The following SLC4A4 variants were observed in gnomAD, a reference collection of about 807,000 sequenced individuals.
SLC4A4 encodes the protein solute carrier family 4 member 4, also known as electrogenic sodium bicarbonate cotransporter 1.
A neutral mutation model predicts 111.5 loss-of-function variants in SLC4A4; 27 were observed. The ratio of observed to expected loss-of-function variants is 0.24; its 90% CI spans 0.18 to 0.33. The LOEUF is 0.33. Among genes scored for constraint, SLC4A4 ranks in the 10% least tolerant of loss-of-function variants. The pLI is 1.00. For missense variants in SLC4A4, 909 were observed against 1,315.5 expected (o/e 0.69, Z 4.78); for synonymous variants, 443 against 463.4 (o/e 0.96, Z 0.57).
At chr4:71,538,424 G>A (rs1259170118) in intron 18 of SLC4A4, among the ~76,000 whole-genome samples, 1 of 152,110 alleles carries the variant, frequency 6.6e-6, no homozygotes, top group Non-Finnish European at 1.5e-5. Flanking sequence ...TGAATAATGA[G>A]AGTTATGGAA....
chr4:71,505,162 G>C (rs1208644837), intron 16 of SLC4A4, among the ~76,000 whole-genome samples: 1 of 152,074 alleles, frequency 6.6e-6, no homozygotes, highest in African/African-American at 2.4e-5. Flanking sequence ...CCATGCCTTT[G>C]ATATTGTGAA....
chr4:71,316,978 A>G (rs1217872815), intron 3 of SLC4A4, among the ~76,000 whole-genome samples: 1 of 151,824 alleles, frequency 6.6e-6, no homozygotes, highest in African/African-American at 2.4e-5. Flanking sequence ...AGCCTCAGCC[A>G]CTCAAGTAAC....
chr4:71,438,288 T>C (rs1724355729), intron 7 of SLC4A4, among the ~76,000 whole-genome samples: 2 of 152,176 alleles, frequency 1.3e-5, no homozygotes, highest in South Asian at 2.1e-4. Flanking sequence ...CTAAGTACGA[T>C]AGATGCAAAG....
chr4:71,119,132 T>G (rs371857743), intron 2 of SLC4A4, among the ~76,000 whole-genome samples: 2 of 152,230 alleles, frequency 1.3e-5, no homozygotes, highest in Non-Finnish European at 2.9e-5. Context: ...GGGTTGCTGA[T>G]AGTGGAAAGG....
chr4:71,378,087 C>G (rs893217383), intron 6 of SLC4A4, among the ~76,000 whole-genome samples: 1 of 152,092 alleles, frequency 6.6e-6, no homozygotes, highest in Non-Finnish European at 1.5e-5. Context: ...ATTCAATTAC[C>G]TCCCCCTGGG....
intron 2 of SLC4A4, among the ~76,000 whole-genome samples, chr4:71,112,210 A>G (rs1743107438): frequency 1.3e-5 from 2 of 152,240 alleles, no homozygotes; most frequent in South Asian, 4.1e-4. Context: ...ACAAACAATT[A>G]TGTTGGAACA....
chr4:71,492,394 A>G (rs563881819), intron 15 of SLC4A4, among the ~76,000 whole-genome samples: 1 of 152,106 alleles, frequency 6.6e-6, no homozygotes, highest in African/African-American at 2.4e-5. Context: ...AGATCCACTC[A>G]GTATAACAGG....
At position 71,092,793 on chromosome 4, in the gene SLC4A4, G is replaced by A. The variant is rs1244815378; in HGVS notation, c.-2+1G>A. Among the ~76,000 whole-genome samples the A allele has an allele frequency of 1.3e-5, 2 of 152,142 alleles. No homozygotes were observed. Among genetic ancestry groups the A allele is most frequent in the Non-Finnish European group, 2.9e-5 (2 of 68,004 alleles). On this transcript the variant is annotated splice_donor_variant, in intron 2 of 26. Transcript: ENST00000649996. LOFTEE classifies it low-confidence loss of function (5UTR_SPLICE). ...CCTGAGCACTGATGCTTGACCTATTGTAAGTAAGAAAGTCATATATGGGCC... is the reference window on the plus strand; with the variant it reads ...CCTGAGCACTGATGCTTGACCTATTATAAGTAAGAAAGTCATATATGGGCC...
chr4:71,471,763 TAATC>T (rs965366527), intron 13 of SLC4A4, among the ~76,000 whole-genome samples: 3 of 151,902 alleles, frequency 2.0e-5, no homozygotes, highest in Admixed American at 6.6e-5. Context: ...CTTGAACTAT[TAATC>T]AATCAGTTGT....
intron 1 of SLC4A4, among the ~76,000 whole-genome samples, chr4:71,223,443 G>C (rs544607138): frequency 2.8e-4 from 43 of 152,208 alleles, no homozygotes; most frequent in African/African-American, 1.0e-3. Flanking sequence ...TTTTACAGGC[G>C]TGAGCCACCG....
At chr4:71,272,536 C>T (rs1298435234) in intron 3 of SLC4A4, among the ~76,000 whole-genome samples, 1 of 152,076 alleles carries the variant, frequency 6.6e-6, no homozygotes, top group Non-Finnish European at 1.5e-5. Flanking sequence ...TTGTTAATCT[C>T]TTGAAAAAAT....
intron 3 of SLC4A4, among the ~76,000 whole-genome samples, chr4:71,308,687 C>T (rs1440296390): frequency 1.3e-5 from 2 of 152,200 alleles, no homozygotes; most frequent in Non-Finnish European, 2.9e-5. Context: ...CCAGATACTA[C>T]GCTTCTCCCA....
At chr4:71,536,054 T>A (rs569216293) in intron 18 of SLC4A4, among the ~76,000 whole-genome samples, 1 of 152,124 alleles carries the variant, frequency 6.6e-6, no homozygotes, top group Non-Finnish European at 1.5e-5. Flanking sequence ...TGTACTGCTC[T>A]GAGATACTTT....
intron 1 of SLC4A4, among the ~76,000 whole-genome samples, chr4:71,075,702 G>A (rs922691136): frequency 6.6e-6 from 1 of 152,166 alleles, no homozygotes; most frequent in African/African-American, 2.4e-5. Flanking sequence ...GGGCGCGGTG[G>A]CTCACGCCTG....
At position 71,151,642 on chromosome 4, in the gene SLC4A4, C is replaced by T. The variant is rs1310484862; in HGVS notation, c.-2+58850C>T. 6.0e-5 allele frequency among the ~76,000 whole-genome samples: 9 copies of T among 151,240 alleles called. No homozygotes were observed. The South Asian group carries it at 8.3e-4, about 14-fold the overall frequency. On this transcript the variant is annotated intron_variant, in intron 2 of 26. Coordinates refer to the SLC4A4 transcript ENST00000649996. ...ATACGTAAAAAATATTTCCTGTCTG[C>T]GCATGGTGGCTCACACCTGTAATCC...
At chr4:71,132,126 T>C (rs1743722070) in intron 2 of SLC4A4, among the ~76,000 whole-genome samples, 1 of 152,188 alleles carries the variant, frequency 6.6e-6, no homozygotes, top group African/African-American at 2.4e-5. Context: ...TTTAAAAAAG[T>C]GAATTTCTTT....
chr4:71,532,311 G>A (rs1734005511), intron 17 of SLC4A4, 136 bp downstream of exon 17: 1 of 696,664 alleles, frequency 1.4e-6, no homozygotes, highest in Non-Finnish European at 2.6e-6. Flanking sequence ...GTCCCTCTTA[G>A]GCTCATATAT....
At chr4:71,343,331 G>C (rs1054662978) in intron 4 of SLC4A4, among the ~76,000 whole-genome samples, 1 of 152,110 alleles carries the variant, frequency 6.6e-6, no homozygotes, top group Non-Finnish European at 1.5e-5. Flanking sequence ...AGCTTAGAAG[G>C]GGACCTATGT....
intron 12 of SLC4A4, among the ~76,000 whole-genome samples, chr4:71,454,764 A>G (rs1364608508): frequency 6.6e-6 from 1 of 152,154 alleles, no homozygotes; most frequent in Non-Finnish European, 1.5e-5. Flanking sequence ...CTAGTACTGC[A>G]TAGCATGTTA....
Sources: gnomAD v4.1 joint callset for allele counts (sites outside exome capture counted in the v4.1 genomes callset) on GRCh38, gnomAD v4.1.1 for gene constraint, MANE v1.5 for transcripts, NCBI Gene and HGNC (gene_info 2026-07-23, HGNC 2026-07-21) for gene names.